The following ZNRF2 variants were observed in gnomAD, a reference collection of about 807,000 sequenced individuals.
ZNRF2 encodes zinc and ring finger 2.
A neutral mutation model predicts 20.4 loss-of-function variants in ZNRF2; 16 were observed. The observed-to-expected ratio is 0.79, with a 90% CI of 0.53 to 1.19. The LOEUF (loss-of-function observed/expected upper bound fraction) is 1.19, where lower values mean the gene tolerates loss of function less well. Ranked by LOEUF, ZNRF2 falls within the 50% of genes most tolerant of loss-of-function variation. The pLI, the probability that ZNRF2 is intolerant of heterozygous loss-of-function variation, is 0.00. For missense variants in ZNRF2, 363 were observed against 332.4 expected, an observed-to-expected ratio of 1.09 and a Z score of -0.72; for synonymous variants, 178 against 144.9, an observed-to-expected ratio of 1.23 and a Z score of -1.64.
chr7:30,287,398 G>A (rs1798811339), intron 1 of ZNRF2, among the ~76,000 whole-genome samples: 1 of 152,200 alleles, frequency 6.6e-6, no homozygotes. Flanking sequence ...AAAGAAGGGT[G>A]AATAGGAAAA....
chr7:30,304,461 T>A (rs1167120125), intron 1 of ZNRF2, among the ~76,000 whole-genome samples: 1 of 152,334 alleles, frequency 6.6e-6, no homozygotes, highest in East Asian at 1.9e-4. Flanking sequence ...TGATATGGCT[T>A]GTAAATGATA....
chr7:30,306,193 C>A (rs1799201841), intron 1 of ZNRF2, among the ~76,000 whole-genome samples: 1 of 152,202 alleles, frequency 6.6e-6, no homozygotes, highest in South Asian at 2.1e-4. Context: ...ATAATAAATT[C>A]TCCTATCTGC....
rs191315600 is a variant in ZNRF2, at chr7:30,333,105, G to A, written c.565+9368G>A. 5.0e-3 allele frequency among the ~76,000 whole-genome samples: 746 copies of A among 150,324 alleles called. 3 individuals are homozygous for A. Among genetic ancestry groups the A allele is most frequent in the Non-Finnish European group, 7.9e-3 (532 of 67,712 alleles). ...GTCTCACTCTGTTGCCCAGGCTGGA[G>A]TGCAGTGGCTTGATCTTGGCTCATT... On this transcript the variant is annotated intron_variant, in intron 2 of 4. Transcript: ENST00000323037.
chr7:30,308,428 T>C (rs1329004100), intron 1 of ZNRF2, among the ~76,000 whole-genome samples: 1 of 152,230 alleles, frequency 6.6e-6, no homozygotes, highest in Non-Finnish European at 1.5e-5. Context: ...TTACTTAAAA[T>C]ATGGTCCTTG....
chr7:30,287,189 T>C (rs1583560309), intron 1 of ZNRF2, among the ~76,000 whole-genome samples: 1 of 152,232 alleles, frequency 6.6e-6, no homozygotes, highest in Non-Finnish European at 1.5e-5. Flanking sequence ...TCTACTGGTG[T>C]CCTTAAAGTG....
chr7:30,333,882 A>G (rs1217818799), intron 2 of ZNRF2, among the ~76,000 whole-genome samples: 1 of 152,108 alleles, frequency 6.6e-6, no homozygotes, highest in Admixed American at 6.5e-5. Context: ...TTCCTTATAG[A>G]TTCAGGATAT....
At chr7:30,295,044 A>G (rs1223753967) in intron 1 of ZNRF2, among the ~76,000 whole-genome samples, 2 of 111,808 alleles carry the variant, frequency 1.8e-5, no homozygotes, top group Admixed American at 8.8e-5. Flanking sequence ...AGAGAGAGAG[A>G]GAGAGAGTGT....
chr7:30,346,317 C>CT (rs1799879019), intron 2 of ZNRF2, among the ~76,000 whole-genome samples: 1 of 151,124 alleles, frequency 6.6e-6, no homozygotes, highest in African/African-American at 2.4e-5. Flanking sequence ...CCTCAGCCTC[C>CT]TGAGTAGCTA....
At chr7:30,329,950 A>G (rs1271774268) in intron 2 of ZNRF2, among the ~76,000 whole-genome samples, 5 of 152,138 alleles carry the variant, frequency 3.3e-5, no homozygotes, top group African/African-American at 1.2e-4. Context: ...CCCTTTCTCC[A>G]CAGCCTTGCC....
intron 3 of ZNRF2, among the ~76,000 whole-genome samples, chr7:30,361,853 A>C (rs1800131704): frequency 1.3e-5 from 2 of 152,212 alleles, no homozygotes; most frequent in Non-Finnish European, 2.9e-5. Flanking sequence ...ATCATAAAAT[A>C]CTTCCTAAAT....
intron 1 of ZNRF2, among the ~76,000 whole-genome samples, chr7:30,290,193 A>G (rs1266362790): frequency 2.0e-5 from 3 of 152,256 alleles, no homozygotes; most frequent in African/African-American, 7.2e-5. Context: ...CATGTACATG[A>G]CATTTATTTG....
chr7:30,289,982 CTATT>C (rs151056013), intron 1 of ZNRF2: 93,582 of 481,764 alleles, frequency 0.19, 10,366 homozygotes, highest in Admixed American at 0.29. Flanking sequence ...AACTTTTAAA[CTATT>C]TATTATTATT....
intron 1 of ZNRF2, chr7:30,288,681 G>C (rs557962413): frequency 6.6e-6 from 1 of 152,294 alleles, no homozygotes; most frequent in South Asian, 2.1e-4. Flanking sequence ...GAATTGAGTT[G>C]CCAGACATCA....
At chr7:30,288,906 A>G (rs1461006131) in intron 1 of ZNRF2, 5 of 152,176 alleles carry the variant, frequency 3.3e-5, no homozygotes, top group Admixed American at 2.0e-4. Context: ...ATTTACGTCT[A>G]CGTTTTTTTT....
At chr7:30,306,669 T>C (rs1191026987) in intron 1 of ZNRF2, among the ~76,000 whole-genome samples, 2 of 152,126 alleles carry the variant, frequency 1.3e-5, no homozygotes, top group African/African-American at 4.8e-5. Context: ...TGCTGTGAAA[T>C]AGAATTTAGG....
At chr7:30,311,220 C>T (rs1799287730) in intron 1 of ZNRF2, among the ~76,000 whole-genome samples, 1 of 152,116 alleles carries the variant, frequency 6.6e-6, no homozygotes, top group Non-Finnish European at 1.5e-5. Flanking sequence ...AGGGGTCCGG[C>T]ACAAGAACCT....
At chr7:30,365,084 A>C (rs1800188317) in intron 4 of ZNRF2, among the ~76,000 whole-genome samples, 1 of 151,388 alleles carries the variant, frequency 6.6e-6, no homozygotes, top group Non-Finnish European at 1.5e-5. Context: ...ATAGCACTGC[A>C]GATTAGGTTT....
chr7:30,359,351 C>T (rs1024376799), intron 3 of ZNRF2, among the ~76,000 whole-genome samples: 2 of 152,100 alleles, frequency 1.3e-5, no homozygotes, highest in African/African-American at 4.8e-5. Context: ...AGACTTTATA[C>T]TAGGATTGTT....
intron 1 of ZNRF2, among the ~76,000 whole-genome samples, chr7:30,317,239 G>A (rs1562610766): frequency 6.6e-6 from 1 of 152,072 alleles, no homozygotes; most frequent in Non-Finnish European, 1.5e-5. Context: ...TGGGTGCTTG[G>A]ACAGAGTGAT....
Sources: allele counts gnomAD v4.1 joint callset (sites outside exome capture counted in the v4.1 genomes callset), GRCh38; gene constraint gnomAD v4.1.1; transcripts MANE v1.5; gene names NCBI Gene and HGNC (gene_info 2026-07-23, HGNC 2026-07-21).